TPO: variants seen among roughly 807,000 people sequenced by gnomAD.
TPO encodes the protein thyroid microsomal antigen.
A neutral mutation model predicts 96.9 loss-of-function variants in TPO; 78 were observed. The observed-to-expected ratio is 0.81, with a 90% CI of 0.67 to 0.97. The LOEUF is 0.97. Among genes scored for constraint, TPO ranks in the 50% least tolerant of loss-of-function variants. The pLI, the probability that TPO is intolerant of heterozygous loss-of-function variation, is 0.00. For missense variants in TPO, 1,252 were observed against 1,274.8 expected (o/e 0.98, Z 0.27); for synonymous variants, 547 against 538.0 (o/e 1.02, Z -0.23).
upstream of TPO, among the ~76,000 whole-genome samples, chr2:1,409,375 A>T (rs1024230548): frequency 6.6e-6 from 1 of 152,206 alleles, no homozygotes; most frequent in Non-Finnish European, 1.5e-5. Context: ...TACCTACCTG[A>T]GTTTGAACAA....
intron 13 of TPO, among the ~76,000 whole-genome samples, chr2:1,500,062 G>A (rs1672725545): frequency 6.6e-6 from 1 of 152,240 alleles, no homozygotes; most frequent in East Asian, 1.9e-4. Flanking sequence ...ACTTGGAAGA[G>A]TGTTGGTGAC....
Position 1,534,412 on chromosome 2 carries a change from G to A in TPO, c.2619-6182G>A, listed in dbSNP as rs557570636. On this transcript the variant is annotated intron_variant, in intron 15 of 16. Transcript: ENST00000329066. The stretch of plus-strand genomic sequence containing the variant: ...AACTGTGTGCAACCTCCCCAAATCC[G>A]CCCCCACCCTGTGCAGCCTCACAAA... 7.0e-3 allele frequency among the ~76,000 whole-genome samples: 153 copies of A among 21,740 alleles called. 10 individuals are homozygous for A. The highest frequency in any genetic ancestry group is 0.022 in the African/African-American group (146 of 6,502). 14.3% of individuals were successfully genotyped at this position (21,740 alleles called of 152,430 possible).
intron 1 of TPO, among the ~76,000 whole-genome samples, chr2:1,405,992 A>G (rs181258984): frequency 2.8e-4 from 43 of 152,306 alleles, no homozygotes; most frequent in African/African-American, 7.2e-4. Flanking sequence ...TCAAACTGTA[A>G]TTTGGTCAAA....
At chr2:1,424,666 C>T (rs1664137076) in intron 3 of TPO, among the ~76,000 whole-genome samples, 1 of 152,220 alleles carries the variant, frequency 6.6e-6, no homozygotes, top group African/African-American at 2.4e-5. Flanking sequence ...CAAAAAAATA[C>T]ACTATACTAT....
intron 14 of TPO, among the ~76,000 whole-genome samples, chr2:1,510,989 G>T (rs1302258423): frequency 6.6e-6 from 1 of 152,116 alleles, no homozygotes; most frequent in Non-Finnish European, 1.5e-5. Context: ...ATAGATTCAG[G>T]CATCGATATA....
Position 1,496,209 on chromosome 2 carries a change from T to C in TPO, c.2215+12T>C, listed in dbSNP as rs1672316567. 1 of 1,612,872 alleles carries C rather than the reference T, an allele frequency of 6.2e-7. No individual in the cohort carries two copies. Among genetic ancestry groups the C allele is most frequent in the Non-Finnish European group, 8.5e-7 (1 of 1,179,626 alleles). The stretch of plus-strand genomic sequence containing the variant: ...AACCTTTCCTCAAGGTGAAGTTCGG[T>C]CTCCTCTCACACCACGTTACAGCAC... On this transcript the variant is annotated intron_variant, in intron 12 of 16. Transcript: ENST00000329066.
intron 5 of TPO, among the ~76,000 whole-genome samples, chr2:1,446,043 C>T (rs115851104): frequency 2.4e-4 from 37 of 152,218 alleles, no homozygotes; most frequent in African/African-American, 6.5e-4. Flanking sequence ...AATTGGGGTA[C>T]GACTTATGCA....
intron 14 of TPO, chr2:1,513,608 T>C (rs551705998): frequency 1.3e-5 from 2 of 152,338 alleles, no homozygotes; most frequent in South Asian, 2.1e-4. Context: ...TGCAGATGTA[T>C]GTATAGAAAT....
At chr2:1,526,277 C>G (rs1287900298) in intron 15 of TPO, among the ~76,000 whole-genome samples, 1 of 118,652 alleles carries the variant, frequency 8.4e-6, no homozygotes, top group Non-Finnish European at 1.7e-5. Context: ...CCCCAGTCCC[C>G]CCACAGTGTG....
At chr2:1,530,764 T>C (rs62117038) in intron 15 of TPO, among the ~76,000 whole-genome samples, 1 of 45,642 alleles carries the variant, frequency 2.2e-5, no homozygotes, top group Admixed American at 3.5e-4. Context: ...TGCAACCTCC[T>C]CAAATCCCCC....
At chr2:1,485,422 G>A (rs1671063743) in intron 9 of TPO, among the ~76,000 whole-genome samples, 1 of 152,182 alleles carries the variant, frequency 6.6e-6, no homozygotes, top group African/African-American at 2.4e-5. Context: ...TATATGCCAA[G>A]TAATTGGATC....
At chr2:1,421,333 G>A (rs11899801) in intron 2 of TPO, among the ~76,000 whole-genome samples, 7,924 of 152,210 alleles carry the variant, frequency 0.052, 266 homozygotes, top group South Asian at 0.15. Flanking sequence ...GCACACTTGC[G>A]AGGCCCTCGG....
In TPO at chr2:1,456,127, G is replaced by C; in HGVS notation, c.664G>C (p.Asp222His). 1 of 1,614,078 alleles carries C rather than the reference G, an allele frequency of 6.2e-7. No individual in the cohort carries two copies. Among genetic ancestry groups the C allele is most frequent in the South Asian group, 1.1e-5 (1 of 91,076 alleles). Residue 222 changes from aspartate (D) to histidine (H), a missense_variant, in exon 7 of 17, where the codon GAT becomes CAT. Physicochemically the swap from Asp to His is moderately conservative, Grantham distance 81. Transcript: ENST00000329066. The stretch of plus-strand genomic sequence containing the variant: ...TCAAGTTTCAAATGAGGTTGTCACA[G>C]ATGATGACCGCTATTCTGACCTCCT... ...VIQVSNEVVT[D>H]DDRYSDLLMA...
At chr2:1,497,218 G>A (rs1462678942) in intron 13 of TPO, among the ~76,000 whole-genome samples, 2 of 152,126 alleles carry the variant, frequency 1.3e-5, no homozygotes, top group South Asian at 2.1e-4. Flanking sequence ...CCAGCCTCCC[G>A]CATGTTTAGG....
intron 2 of TPO, among the ~76,000 whole-genome samples, chr2:1,422,301 G>GTGCCTCTCCTGGACAGACCTCGTGCAGC (rs1663648910): frequency 3.2e-5 from 4 of 124,012 alleles, no homozygotes; most frequent in African/African-American, 1.3e-4. Flanking sequence ...GACCCCGCAG[G>GTGCCTCTCCTGGACAGACCTCGTGCAGC]CGCCTCTCCT....
intron 1 of TPO, among the ~76,000 whole-genome samples, chr2:1,376,868 A>C (rs1312047379): frequency 6.6e-6 from 1 of 152,258 alleles, no homozygotes; most frequent in Non-Finnish European, 1.5e-5. Context: ...CCAAATTCAT[A>C]TATCTAAAAA....
At chr2:1,439,127 C>T (rs1000023957) in intron 5 of TPO, 4 of 387,982 alleles carry the variant, frequency 1.0e-5, no homozygotes, top group East Asian at 8.6e-5. Flanking sequence ...AGTTCCTGCT[C>T]GGCCCTTCTG....
intron 1 of TPO, among the ~76,000 whole-genome samples, chr2:1,402,077 G>T (rs17091595): frequency 0.019 from 2,902 of 152,276 alleles, 62 homozygotes; most frequent in East Asian, 0.072. Flanking sequence ...ACAGACTTCA[G>T]GATGAAAGGG....
At chr2:1,469,951 C>G (rs1049576279) in intron 7 of TPO, among the ~76,000 whole-genome samples, 6 of 152,138 alleles carry the variant, frequency 3.9e-5, no homozygotes, top group African/African-American at 1.4e-4. Flanking sequence ...TCTGTTTGTC[C>G]AAGTGAGAGC....
Sources: allele counts gnomAD v4.1 joint callset (sites outside exome capture counted in the v4.1 genomes callset), GRCh38; gene constraint gnomAD v4.1.1; transcripts MANE v1.5; gene names NCBI Gene and HGNC (gene_info 2026-07-23, HGNC 2026-07-21).